Variants in CFAP20DC observed in about 807,000 individuals in gnomAD.
CFAP20DC encodes CFAP20 domain containing.
CFAP20DC carries 84 observed loss-of-function variants against 101.7 expected under a neutral mutation model. The observed-to-expected ratio is 0.83, with a 90% CI of 0.69 to 0.99. The LOEUF (loss-of-function observed/expected upper bound fraction) is 0.99. CFAP20DC is among the 50% of genes least tolerant of loss of function. The pLI is 0.00. For missense variants in CFAP20DC, 1,007 were observed against 970.3 expected (o/e 1.04, Z -0.50); for synonymous variants, 359 against 351.2 (o/e 1.02, Z -0.25).
chr3:58,855,800 A>G (rs2078735789), intron 12 of CFAP20DC, among the ~76,000 whole-genome samples: 1 of 137,966 alleles, frequency 7.2e-6, no homozygotes. Flanking sequence ...ACACATGGAC[A>G]CAGAAAGGGG....
At chr3:58,751,247 CA>C (rs2068541272) in intron 16 of CFAP20DC, among the ~76,000 whole-genome samples, 1 of 152,128 alleles carries the variant, frequency 6.6e-6, no homozygotes, top group African/African-American at 2.4e-5. Context: ...GTAGACAAAT[CA>C]AGATTTAGAA....
chr3:58,807,844 A>T lies in CFAP20DC; in HGVS notation c.2176-1388T>A, dbSNP rs558050598. On this transcript the variant is annotated intron_variant, in intron 14 of 16. Transcript: ENST00000482387. Reference sequence around the variant, plus strand: ...AAATTTAGAAGAATGTATAACTAGAATAACCAATACAGAGAAGTGCTTAAA... The same window carrying T: ...AAATTTAGAAGAATGTATAACTAGATTAACCAATACAGAGAAGTGCTTAAA... Among the ~76,000 whole-genome samples, 26 of 152,344 alleles carry T rather than the reference A, an allele frequency of 1.7e-4. 1 individual carries two copies. The South Asian group carries it at 3.5e-3, about 21-fold the overall frequency.
At chr3:58,918,407 T>C (rs1468657967) in intron 5 of CFAP20DC, among the ~76,000 whole-genome samples, 1 of 152,170 alleles carries the variant, frequency 6.6e-6, no homozygotes, top group Non-Finnish European at 1.5e-5. Flanking sequence ...CACCATCCTC[T>C]AATCACATTC....
intron 14 of CFAP20DC, among the ~76,000 whole-genome samples, chr3:58,812,665 C>T (rs9846893): frequency 0.12 from 18,411 of 151,448 alleles, 2,229 homozygotes; most frequent in East Asian, 0.35. Context: ...TGTAACTAAC[C>T]TGCACATTGT....
At chr3:58,813,160 A>C (rs184430403) in intron 14 of CFAP20DC, among the ~76,000 whole-genome samples, 77 of 152,034 alleles carry the variant, frequency 5.1e-4, no homozygotes, top group Non-Finnish European at 8.2e-4. Flanking sequence ...AAGCTGAAAA[A>C]AATGATGCCA....
intron 14 of CFAP20DC, among the ~76,000 whole-genome samples, chr3:58,824,842 T>C (rs577730289): frequency 6.6e-6 from 1 of 152,146 alleles, no homozygotes; most frequent in South Asian, 2.1e-4. Context: ...TTTTTTTTTT[T>C]TTTAAGAGAT....
At chr3:58,844,794 G>A (rs879653626) in intron 13 of CFAP20DC, among the ~76,000 whole-genome samples, 2 of 133,208 alleles carry the variant, frequency 1.5e-5, no homozygotes, top group African/African-American at 3.3e-5. Context: ...TAAAAGAACA[G>A]AAATTATAAC....
At chr3:58,904,589 C>A (rs943766583) in intron 6 of CFAP20DC, among the ~76,000 whole-genome samples, 1 of 152,048 alleles carries the variant, frequency 6.6e-6, no homozygotes, top group Non-Finnish European at 1.5e-5. Flanking sequence ...AGGAAACACC[C>A]AACATAAGAA....
chr3:58,870,091 C>T lies in CFAP20DC; in HGVS notation c.852+82G>A, dbSNP rs1157563235. ...TGTCTGTCTGTCTGTCTTTCCCTCC[C>T]TCCCTCCCTCTACAAGGGGAAGACA... is the stretch of plus-strand genomic sequence containing the variant. On this transcript the variant is annotated intron_variant, in intron 8 of 16. Transcript: ENST00000482387. The T allele has an allele frequency of 4.8e-6, 5 of 1,034,816 alleles. 1 individual carries two copies. The highest frequency in any genetic ancestry group is 7.3e-6 in the Non-Finnish European group (5 of 684,934). 64.1% of individuals were successfully genotyped at this position (1,034,816 alleles called of 1,614,324 possible). A position where few individuals can be genotyped will look rare whatever the true frequency, so the allele number is the denominator to read the frequency against.
intron 13 of CFAP20DC, among the ~76,000 whole-genome samples, chr3:58,832,561 G>A (rs2076470964): frequency 6.6e-6 from 1 of 152,032 alleles, no homozygotes; most frequent in Non-Finnish European, 1.5e-5. Context: ...TATTCAACTT[G>A]CAGTAAGATT....
chr3:58,770,484 A>G (rs1329082746), intron 15 of CFAP20DC, among the ~76,000 whole-genome samples: 1 of 152,242 alleles, frequency 6.6e-6, no homozygotes, highest in Non-Finnish European at 1.5e-5. Context: ...AACCTCTTAT[A>G]GTCAGGAGAA....
intron 13 of CFAP20DC, among the ~76,000 whole-genome samples, chr3:58,838,137 T>A (rs1210681952): frequency 1.3e-5 from 2 of 152,200 alleles, no homozygotes; most frequent in Non-Finnish European, 2.9e-5. Flanking sequence ...ATTCACAATT[T>A]ATGGTAGCTT....
chr3:58,979,189 G>A (rs1438814072), intron 4 of CFAP20DC, among the ~76,000 whole-genome samples: 1 of 152,190 alleles, frequency 6.6e-6, no homozygotes, highest in African/African-American at 2.4e-5. Flanking sequence ...TGGAAGCTAA[G>A]CTAACAACAG....
At chr3:58,853,445 A>G (rs2078445088) in intron 12 of CFAP20DC, among the ~76,000 whole-genome samples, 1 of 152,198 alleles carries the variant, frequency 6.6e-6, no homozygotes, top group Admixed American at 6.5e-5. Context: ...AACTATTCCA[A>G]TCAATAGAAA....
intron 4 of CFAP20DC, among the ~76,000 whole-genome samples, chr3:58,948,502 T>C (rs990688612): frequency 6.6e-5 from 10 of 152,238 alleles, no homozygotes; most frequent in African/African-American, 2.2e-4. Flanking sequence ...AATATGCACA[T>C]CTTTTCCTTT....
At chr3:58,782,687 C>T (rs1204502010) in intron 15 of CFAP20DC, among the ~76,000 whole-genome samples, 2 of 151,722 alleles carry the variant, frequency 1.3e-5, no homozygotes, top group African/African-American at 4.8e-5. Context: ...ACAAAAATAT[C>T]TGGGAATAAA....
intron 4 of CFAP20DC, among the ~76,000 whole-genome samples, chr3:58,952,924 T>C (rs915872163): frequency 6.6e-6 from 1 of 152,108 alleles, no homozygotes; most frequent in African/African-American, 2.4e-5. Context: ...TGGACGTAGA[T>C]ACTGGGGATT....
intron 4 of CFAP20DC, among the ~76,000 whole-genome samples, chr3:58,988,849 T>C (rs1235994843): frequency 2.0e-5 from 3 of 152,136 alleles, no homozygotes; most frequent in Non-Finnish European, 2.9e-5. Flanking sequence ...ACTTTGCAAA[T>C]GGAAGCCTGA....
At chr3:59,036,441 C>T (rs1239722570) in intron 4 of CFAP20DC, among the ~76,000 whole-genome samples, 3 of 152,286 alleles carry the variant, frequency 2.0e-5, no homozygotes, top group Middle Eastern at 3.4e-3. Context: ...CCAACTTCAA[C>T]AAAGTCTCAG....
Sources: allele counts gnomAD v4.1 joint callset (sites outside exome capture counted in the v4.1 genomes callset), GRCh38; gene constraint gnomAD v4.1.1; transcripts MANE v1.5; gene names NCBI Gene and HGNC (gene_info 2026-07-23, HGNC 2026-07-21).